SUN2: variants seen among roughly 807,000 people sequenced by gnomAD.
The protein encoded by SUN2 is SUN domain-containing protein 2.
A neutral mutation model predicts 100.0 loss-of-function variants in SUN2; 60 were observed. That is an observed-to-expected ratio of 0.60 (90% CI 0.49 to 0.74). The LOEUF is 0.74. Among genes scored for constraint, SUN2 ranks in the 30% least tolerant of loss-of-function variants. The probability of loss-of-function intolerance (pLI) is 0.00; values close to 1 mark genes in which losing one functional copy is unlikely to be tolerated. For synonymous variants in SUN2, 367 were observed against 403.3 expected (o/e 0.91, Z 1.08); for missense variants, 834 against 954.6 (o/e 0.87, Z 1.66).
chr22:38,750,866 G>T, intron 4 of SUN2, 32 bp downstream of exon 4: 15 of 1,612,194 alleles, frequency 9.3e-6, no homozygotes, highest in Non-Finnish European at 1.3e-5. Context: ...AGCAGCCTCG[G>T]ATCTGCTCAG....
chr22:38,741,644 G>A (rs1211353542), intron 9 of SUN2, 73 bp from the exon 10 acceptor site: 32 of 1,418,514 alleles, frequency 2.3e-5, no homozygotes, highest in Admixed American at 3.4e-5. Context: ...AGGAAGTGGC[G>A]GAACTGGAAT....
At chr22:38,750,174 GA>G (rs2092933457) in intron 5 of SUN2, 50 bp downstream of exon 5, 1 of 1,591,374 alleles carries the variant, frequency 6.3e-7, no homozygotes, top group Non-Finnish European at 8.6e-7. Context: ...AGATGGGTAA[GA>G]AAGCACTATC....
In SUN2 at chr22:38,739,382, C is replaced by G; in HGVS notation, c.1623G>C (p.Glu541Asp). 6.2e-7 allele frequency: 1 copy of G among 1,613,182 alleles called. No homozygotes were observed. Among genetic ancestry groups the G allele is most frequent in the Non-Finnish European group, 8.5e-7 (1 of 1,180,026 alleles). Residue 541 changes from glutamate (E) to aspartate (D), a missense_variant, in exon 14 of 18, where the codon GAG (glutamate) becomes GAC (aspartate). This residue lies in a region of SUN2 where 195 missense variants were observed against 280.2 expected (regional missense o/e 0.70). Coordinates refer to ENST00000689035, the MANE Select transcript of SUN2 (RefSeq NM_015374.3). The surrounding 1 kb of genome is among the most constrained non-coding windows in gnomAD (Gnocchi z 6.7). ...CGTAGTCTGCCAGCCCGATGCGGTC[C>G]TCACTGTAGCGCTGCAGGGCCTGCT... ...IVKQALQRYS[E>D]DRIGLADYAL...
chr22:38,737,093 C>T lies in SUN2; in HGVS notation c.2041-713G>A, dbSNP rs1355093472. Among the ~76,000 whole-genome samples the T allele has an allele frequency of 6.6e-6, 1 of 152,218 alleles. No individual in the cohort carries two copies. Among genetic ancestry groups the T allele is most frequent in the African/African-American group, 2.4e-5 (1 of 41,466 alleles). ...AACTCCTGGGCTCAAGCAATCCCCTCGCCTTGGCCTTGCAAAGTGCTGGAA... is the reference window on the plus strand; with the variant it reads ...AACTCCTGGGCTCAAGCAATCCCCTTGCCTTGGCCTTGCAAAGTGCTGGAA... On this transcript the variant is annotated intron_variant, in intron 17 of 17. Transcript: ENST00000689035. The surrounding 1 kb of genome is among the most constrained non-coding windows in gnomAD (Gnocchi z 4.1).
chr22:38,738,596 G>T lies in SUN2; in HGVS notation c.1938C>A (p.Phe646Leu). 6.2e-7 allele frequency: 1 copy of T among 1,612,802 alleles called. No individual in the cohort carries two copies. Among genetic ancestry groups the T allele is most frequent in the Non-Finnish European group, 8.5e-7 (1 of 1,179,172 alleles). The change falls in exon 16 of 18, where the codon TTC becomes TTA. Residue 646 changes from phenylalanine to leucine, a missense_variant. Around this residue, in one of 3 missense-constraint regions of SUN2, gnomAD observed 195 missense variants for 280.2 expected, o/e 0.70. Transcript: ENST00000689035. This position sits in a 1 kb window ranked among gnomAD's most constrained non-coding sequence, Gnocchi z 6.6. ...CAGGACAGATACTCACAAAGATGGC[G>T]AAGTCCTTGGGGGCACTGGAGATAG... The part of the protein sequence containing the change: ...NSTISSAPKD[F>L]AIFGFDEDLQ...
At chr22:38,750,084 C>A (rs533781544) in intron 5 of SUN2, 141 bp downstream of exon 5, 2 of 1,346,390 alleles carry the variant, frequency 1.5e-6, no homozygotes, top group Middle Eastern at 2.1e-4. Context: ...CAGCTCTGGG[C>A]TCCCAGTGAT....
In SUN2 at chr22:38,740,451, G is replaced by T. The variant is rs2145957432; in HGVS notation, c.1191-19C>A. 2.7e-6 allele frequency: 4 copies of T among 1,467,518 alleles called. No individual in the cohort carries two copies. The highest frequency in any genetic ancestry group is 3.6e-6 in the Non-Finnish European group (4 of 1,101,696). The allele number at this position is 1,467,518 out of a possible 1,614,324, so 90.9% of individuals were successfully genotyped here. On this transcript the variant is annotated intron_variant, in intron 11 of 17. Transcript: ENST00000689035. The surrounding 1 kb of genome is among the most constrained non-coding windows in gnomAD (Gnocchi z 4.8). ...GGTCATGCTGGTCCCAGAGAGAGAA[G>T]AGTAAGCCTCGGATCTCTTTGGTGG...
In SUN2 at chr22:38,742,556, C is replaced by T; in HGVS notation, c.814-1G>A. 6.2e-7 allele frequency: 1 copy of T among 1,607,538 alleles called. No individual in the cohort carries two copies. The highest frequency in any genetic ancestry group is 8.5e-7 in the Non-Finnish European group (1 of 1,176,368). On this transcript the variant is annotated splice_acceptor_variant, in intron 8 of 17. Coordinates refer to ENST00000689035, the MANE Select transcript of SUN2 (RefSeq NM_015374.3). LOFTEE classifies it high-confidence loss of function. ...CCCGGGACATAACACGCTGCTCAGC[C>T]TGGAAGGGCAGAGAGAGAGCCACGG... is the stretch of plus-strand genomic sequence containing the variant.
intron 1 of SUN2, chr22:38,754,534 G>C: frequency 2.0e-6 from 2 of 994,008 alleles, no homozygotes; most frequent in Admixed American, 2.4e-5. Context: ...AAAAGGGACC[G>C]ATTGGTAGTA....
chr22:38,740,051 G>T lies in SUN2; in HGVS notation c.1357-108C>A. ...ATAGCAGGGATAGGGTAGGAGGGAGGCCACTGGAGGAAAGAGTTATGAACA... is the reference window on the plus strand; with the variant it reads ...ATAGCAGGGATAGGGTAGGAGGGAGTCCACTGGAGGAAAGAGTTATGAACA... On this transcript the variant is annotated intron_variant, in intron 12 of 17. Coordinates refer to ENST00000689035, the MANE Select transcript of SUN2 (RefSeq NM_015374.3). This position sits in a 1 kb window ranked among gnomAD's most constrained non-coding sequence, Gnocchi z 4.8. 7.5e-7 allele frequency: 1 copy of T among 1,332,020 alleles called. No homozygotes were observed. Among genetic ancestry groups the T allele is most frequent in the Non-Finnish European group, 1.0e-6 (1 of 973,960 alleles). The allele number at this position is 1,332,020 out of a possible 1,614,324, so 82.5% of individuals were successfully genotyped here.
At chr22:38,750,507 G>C (rs1271773549) in intron 4 of SUN2, 187 bp from the exon 5 acceptor site, 6 of 1,305,008 alleles carry the variant, frequency 4.6e-6, no homozygotes, top group Non-Finnish European at 6.2e-6. Context: ...ACAGCTTCCT[G>C]TTTGCATCCC....
rs933424319 is a variant in SUN2 at position 38,754,869 on chromosome 22, C to T, written c.-38+894G>A. The T allele has an allele frequency of 3.9e-6, 5 of 1,289,122 alleles. No homozygotes were observed. The African/African-American group carries it at 6.1e-5, about 16-fold the overall frequency. The allele number at this position is 1,289,122 out of a possible 1,614,324, so 79.9% of individuals were successfully genotyped here. ...CAGAGATGCCTCTCAGTCTTTCCTG[C>T]GGCATCCTGGCATCACAAAACAGTT... On this transcript the variant is annotated intron_variant, in intron 1 of 17. Transcript: ENST00000689035.
rs1160420116 is a variant in SUN2, at chr22:38,737,174, A to G, written c.2041-794T>C. On this transcript the variant is annotated intron_variant, in intron 17 of 17. Transcript: ENST00000689035. This position sits in a 1 kb window ranked among gnomAD's most constrained non-coding sequence, Gnocchi z 4.1. ...TATACTTTCCTAAAGAGAAATCCCAACCTCTCTTGCAGCCTAGTTACCTCC... is the reference window on the plus strand; with the variant it reads ...TATACTTTCCTAAAGAGAAATCCCAGCCTCTCTTGCAGCCTAGTTACCTCC... 1.3e-5 allele frequency among the ~76,000 whole-genome samples: 2 copies of G among 151,762 alleles called. No individual in the cohort carries two copies. Among genetic ancestry groups the G allele is most frequent in the Admixed American group, 6.6e-5 (1 of 15,240 alleles).
At chr22:38,736,538 T>C in intron 17 of SUN2, 158 bp from the exon 18 acceptor site, 1 of 562,578 alleles carries the variant, frequency 1.8e-6, no homozygotes, top group African/African-American at 1.9e-5. Flanking sequence ...CTCCTATCTT[T>C]AGCCTCCTGA....
chr22:38,751,014 CTCCGCACCCGCAGG>C lies in SUN2; in HGVS notation c.294_307del (p.Asp98GlufsTer35). The C allele has an allele frequency of 6.2e-7, 1 of 1,613,456 alleles. No individual in the cohort carries two copies. The highest frequency in any genetic ancestry group is 1.1e-5 in the South Asian group (1 of 91,034). ...CTCTGAGCCACCCGTGCCTCTCCTC[CTCCGCACCCGCAGG>C]TCCTCACCTGTGCAGGGAAGAACCA... On this transcript the variant is annotated frameshift_variant, in exon 4 of 18. Transcript: ENST00000689035. LOFTEE classifies it high-confidence loss of function.
intron 4 of SUN2, 187 bp from the exon 5 acceptor site, chr22:38,750,507 G>A: frequency 1.4e-5 from 18 of 1,305,008 alleles, no homozygotes; most frequent in Non-Finnish European, 1.9e-5. Context: ...ACAGCTTCCT[G>A]TTTGCATCCC....
Position 38,751,204 on chromosome 22 carries a change from A to G in SUN2, c.286+6T>C. 6.2e-7 allele frequency: 1 copy of G among 1,610,482 alleles called. No homozygotes were observed. Among genetic ancestry groups the G allele is most frequent in the Non-Finnish European group, 8.5e-7 (1 of 1,177,232 alleles). On this transcript the variant is annotated splice_donor_region_variant and intron_variant, in intron 3 of 17. Transcript: ENST00000689035. The stretch of plus-strand genomic sequence containing the variant: ...AAAGCCCCGGGACGGAGGGCTCCAC[A>G]CTCACCCCAGTTGGCGTCACCATGC...
chr22:38,739,089 AG>A lies in SUN2; in HGVS notation c.1664-102del. ...GCTGAAGGTGGACGGCAGATGCCCC[AG>A]GCCTAGCCTTTAACCCTAACCGAGA... On this transcript the variant is annotated intron_variant, in intron 14 of 17. Coordinates refer to ENST00000689035, the MANE Select transcript of SUN2 (RefSeq NM_015374.3). The surrounding 1 kb of genome is among the most constrained non-coding windows in gnomAD (Gnocchi z 6.7). 1 of 1,216,018 alleles carries A rather than the reference AG, an allele frequency of 8.2e-7. No homozygotes were observed. The highest frequency in any genetic ancestry group is 1.2e-6 in the Non-Finnish European group (1 of 846,084). The allele number at this position is 1,216,018 out of a possible 1,614,324, so 75.3% of individuals were successfully genotyped here.
At chr22:38,749,033 T>C in intron 6 of SUN2, 1 of 448,472 alleles carries the variant, frequency 2.2e-6, no homozygotes, top group Non-Finnish European at 4.0e-6. Flanking sequence ...TAGTGTGGTC[T>C]TTGAAAAACT....
Sources: gnomAD v4.1 joint callset for allele counts (sites outside exome capture counted in the v4.1 genomes callset) on GRCh38, gnomAD v4.1.1 for gene constraint, gnomAD v4.1.1 regional missense constraint, Gnocchi (gnomAD v3.1) non-coding constraint, MANE v1.5 for transcripts, NCBI Gene and HGNC (gene_info 2026-07-23, HGNC 2026-07-21) for gene names.